The following CORIN variants were observed in gnomAD, a reference collection of about 807,000 sequenced individuals.
The protein encoded by CORIN is corin, serine peptidase.
CORIN carries 117 observed loss-of-function variants against 125.3 expected under a neutral mutation model. That is an observed-to-expected ratio of 0.93 (90% CI 0.80 to 1.09). CORIN has a LOEUF of 1.09. Among genes scored for constraint, CORIN ranks in the 50% least tolerant of loss-of-function variants. The probability of loss-of-function intolerance (pLI) is 0.00; values close to 1 mark genes in which losing one functional copy is unlikely to be tolerated. For missense variants in CORIN, 1,253 were observed against 1,306.7 expected, an observed-to-expected ratio of 0.96 and a Z score of 0.63; for synonymous variants, 450 against 466.4, an observed-to-expected ratio of 0.96 and a Z score of 0.45.
At chr4:47,792,296 A>G (rs545064765) in intron 2 of CORIN, among the ~76,000 whole-genome samples, 254 of 152,334 alleles carry the variant, frequency 1.7e-3, no homozygotes, top group African/African-American at 5.9e-3. Context: ...GGTCTTGTAC[A>G]AGGCTTGGAA....
chr4:47,678,814 C>T (rs1404831504), intron 8 of CORIN, among the ~76,000 whole-genome samples: 1 of 147,886 alleles, frequency 6.8e-6, no homozygotes, highest in Admixed American at 6.9e-5. Flanking sequence ...CAAGACTCCA[C>T]ACCAGAAGTG....
intron 1 of CORIN, among the ~76,000 whole-genome samples, 181 bp downstream of exon 1, chr4:47,837,706 T>C (rs556979260): frequency 1.3e-5 from 2 of 151,780 alleles, no homozygotes; most frequent in South Asian, 2.1e-4. Context: ...GCCGTGCGCC[T>C]GGGAACTGGG....
chr4:47,757,878 GTATATA>G (rs59621469), intron 4 of CORIN, among the ~76,000 whole-genome samples: 52 of 123,914 alleles, frequency 4.2e-4, no homozygotes, highest in Admixed American at 8.3e-4. Context: ...ATATATATAT[GTATATA>G]TATATATATA....
At chr4:47,640,286 A>G (rs914042341) in intron 16 of CORIN, among the ~76,000 whole-genome samples, 1 of 152,218 alleles carries the variant, frequency 6.6e-6, no homozygotes, top group Admixed American at 6.5e-5. Flanking sequence ...ATGTATATCC[A>G]TTTAATGGCA....
intron 1 of CORIN, among the ~76,000 whole-genome samples, chr4:47,828,889 T>C (rs1319315010): frequency 6.6e-6 from 1 of 151,482 alleles, no homozygotes; most frequent in East Asian, 1.9e-4. Flanking sequence ...CCCGGCGCGG[T>C]GGCTCATGCC....
At chr4:47,757,152 T>A (rs1729186102) in intron 4 of CORIN, among the ~76,000 whole-genome samples, 1 of 151,304 alleles carries the variant, frequency 6.6e-6, no homozygotes, top group Non-Finnish European at 1.5e-5. Flanking sequence ...AAAAGAAAAA[T>A]ATATTTGACT....
intron 2 of CORIN, among the ~76,000 whole-genome samples, chr4:47,798,408 A>T (rs1398165861): frequency 6.6e-6 from 1 of 152,174 alleles, no homozygotes; most frequent in Non-Finnish European, 1.5e-5. Flanking sequence ...TACACCACTG[A>T]TATCTCAGCA....
intron 2 of CORIN, among the ~76,000 whole-genome samples, chr4:47,805,513 G>A (rs534406663): frequency 9.2e-5 from 14 of 152,194 alleles, no homozygotes; most frequent in Admixed American, 9.2e-4. Flanking sequence ...CAGAGTCAGA[G>A]CCCCGAACTG....
intron 1 of CORIN, among the ~76,000 whole-genome samples, chr4:47,829,971 G>A (rs1477500560): frequency 6.6e-6 from 1 of 152,124 alleles, no homozygotes. Flanking sequence ...ACTTCTTATT[G>A]AACTCCCCTT....
chr4:47,677,735 G>A (rs1279039060), intron 9 of CORIN, among the ~76,000 whole-genome samples: 1 of 152,202 alleles, frequency 6.6e-6, no homozygotes, highest in African/African-American at 2.4e-5. Context: ...CCTGAGGAAT[G>A]ATTTTCAGTG....
At chr4:47,742,003 T>C (rs1728417250) in intron 5 of CORIN, among the ~76,000 whole-genome samples, 1 of 152,046 alleles carries the variant, frequency 6.6e-6, no homozygotes, top group African/African-American at 2.4e-5. Context: ...TGTACAATTC[T>C]GTGTGTATAC....
intron 3 of CORIN, among the ~76,000 whole-genome samples, 167 bp downstream of exon 3, chr4:47,786,558 A>G (rs1427030666): frequency 6.6e-6 from 1 of 152,098 alleles, no homozygotes; most frequent in Non-Finnish European, 1.5e-5. Flanking sequence ...AACAACAACA[A>G]CAACAACAAA....
chr4:47,704,781 T>C (rs1726471738), intron 5 of CORIN, among the ~76,000 whole-genome samples: 1 of 151,850 alleles, frequency 6.6e-6, no homozygotes, highest in East Asian at 1.9e-4. Context: ...ATGTCAGTGG[T>C]GGAGGGTGTG....
chr4:47,806,803 T>C (rs1731813915), intron 2 of CORIN, 100 bp downstream of exon 2: 2 of 1,261,396 alleles, frequency 1.6e-6, no homozygotes, highest in Non-Finnish European at 2.1e-6. Context: ...TCTCATTGAC[T>C]GACACTTTGG....
chr4:47,733,697 C>T (rs142573317), intron 5 of CORIN, among the ~76,000 whole-genome samples: 1 of 152,316 alleles, frequency 6.6e-6, no homozygotes, highest in East Asian at 1.9e-4. Context: ...CCTGAGTTCT[C>T]ACATCTCAAC....
In CORIN at chr4:47,786,899, A is replaced by G; in HGVS notation, c.235T>C (p.Ser79Pro). The G allele has an allele frequency of 6.2e-7, 1 of 1,613,292 alleles. No homozygotes were observed. Among genetic ancestry groups the G allele is most frequent in the Non-Finnish European group, 8.5e-7 (1 of 1,179,308 alleles). The change falls in exon 3 of 22, where the codon TCA becomes CCA. Residue 79 changes from serine (S) to proline (P), a missense_variant. Physicochemically the swap from Ser to Pro is moderately conservative, Grantham distance 74. Coordinates refer to ENST00000273857, the MANE Select transcript of CORIN (RefSeq NM_006587.4). ...GTGACCAAAGGTTCACTCCCATTTGATTTAAAATAGACCTTTTGTAATGTT... is the reference window on the plus strand; with the variant it reads ...GTGACCAAAGGTTCACTCCCATTTGGTTTAAAATAGACCTTTTGTAATGTT... ...VGTLQKVYFK[S>P]NGSEPLVTDG... is the part of the protein sequence containing the mutation.
intron 4 of CORIN, among the ~76,000 whole-genome samples, chr4:47,748,620 T>C (rs140234202): frequency 3.9e-5 from 6 of 152,272 alleles, no homozygotes; most frequent in African/African-American, 1.4e-4. Context: ...GTACAGTTTA[T>C]CTATAAAAAT....
chr4:47,829,185 A>AAAG (rs1732870062), intron 1 of CORIN, among the ~76,000 whole-genome samples: 2 of 140,922 alleles, frequency 1.4e-5, no homozygotes, highest in African/African-American at 5.1e-5. Flanking sequence ...AAAAAAAAAA[A>AAAG]GGTGAAATAT....
At chr4:47,667,860 T>C (rs898897031) in intron 10 of CORIN, among the ~76,000 whole-genome samples, 2 of 152,132 alleles carry the variant, frequency 1.3e-5, no homozygotes, top group African/African-American at 4.8e-5. Context: ...GACTAAATGT[T>C]TGTGTTCCCC....
Sources: gnomAD v4.1 joint callset for allele counts (sites outside exome capture counted in the v4.1 genomes callset) on GRCh38, gnomAD v4.1.1 for gene constraint, MANE v1.5 for transcripts, NCBI Gene and HGNC (gene_info 2026-07-23, HGNC 2026-07-21) for gene names.